The following CSMD1 variants were observed in gnomAD, a reference collection of about 807,000 sequenced individuals.
CSMD1 encodes CUB and Sushi multiple domains 1.
A neutral mutation model predicts 417.5 loss-of-function variants in CSMD1; 213 were observed. The observed-to-expected ratio is 0.51, with a 90% confidence interval of 0.46 to 0.57. The LOEUF is 0.57. Ranked by LOEUF, CSMD1 falls within the 20% of genes least tolerant of loss-of-function variation. CSMD1 has a pLI of 0.00. For synonymous variants in CSMD1, 2,862 were observed against 1,736.8 expected (o/e 1.65, Z -16.11); for missense variants, 6,923 against 4,529.7 (o/e 1.53, Z -15.17).
intron 5 of CSMD1, among the ~76,000 whole-genome samples, chr8:3,811,619 C>G (rs954219877): frequency 1.3e-5 from 2 of 152,096 alleles, no homozygotes; most frequent in Admixed American, 6.6e-5. Flanking sequence ...CTTCAGAACC[C>G]AGGACCAGGC....
intron 3 of CSMD1, among the ~76,000 whole-genome samples, chr8:4,212,068 G>A (rs1326379416): frequency 6.6e-6 from 1 of 151,874 alleles, no homozygotes; most frequent in Non-Finnish European, 1.5e-5. Context: ...TCAACTGTAA[G>A]AAAGAATATG....
chr8:4,840,975 C>T (rs139249761), intron 1 of CSMD1, among the ~76,000 whole-genome samples: 31 of 152,284 alleles, frequency 2.0e-4, no homozygotes, highest in African/African-American at 7.2e-4. Flanking sequence ...TGGGCTAGTC[C>T]GATAAGGAGC....
At chr8:4,245,894 C>T (rs1188844840) in intron 3 of CSMD1, among the ~76,000 whole-genome samples, 3 of 152,130 alleles carry the variant, frequency 2.0e-5, no homozygotes, top group Non-Finnish European at 4.4e-5. Flanking sequence ...ACTTTTCATA[C>T]ATGGTGCTTT....
intron 57 of CSMD1, among the ~76,000 whole-genome samples, chr8:2,972,783 G>A (rs1471697038): frequency 6.6e-6 from 1 of 152,152 alleles, no homozygotes; most frequent in Non-Finnish European, 1.5e-5. Flanking sequence ...CATTGGTCCT[G>A]CTCACTGCTC....
intron 10 of CSMD1, among the ~76,000 whole-genome samples, chr8:3,556,414 T>TATA (rs1349911850): frequency 7.0e-6 from 1 of 142,030 alleles, no homozygotes; most frequent in Non-Finnish European, 1.5e-5. Flanking sequence ...TATATATATA[T>TATA]TCACACACAC....
intron 3 of CSMD1, among the ~76,000 whole-genome samples, chr8:4,310,506 T>G (rs558382734): frequency 7.7e-6 from 1 of 129,902 alleles, no homozygotes; most frequent in East Asian, 2.7e-4. Context: ...GAAACTTCTT[T>G]TCTTCCACAT....
chr8:4,005,883 G>A (rs1816071522), intron 4 of CSMD1, among the ~76,000 whole-genome samples: 1 of 152,178 alleles, frequency 6.6e-6, no homozygotes, highest in Admixed American at 6.5e-5. Flanking sequence ...GGAGCTGGCT[G>A]CCAAAATCAC....
chr8:4,415,744 C>T (rs1563150043), intron 3 of CSMD1, among the ~76,000 whole-genome samples: 1 of 152,198 alleles, frequency 6.6e-6, no homozygotes, highest in Non-Finnish European at 1.5e-5. Context: ...TGTGTATCCA[C>T]TTACACTTGT....
intron 1 of CSMD1, among the ~76,000 whole-genome samples, chr8:4,824,589 A>G (rs1330720910): frequency 6.6e-6 from 1 of 152,190 alleles, no homozygotes. Flanking sequence ...CAGTCTTTCA[A>G]TTTCAAAGGA....
At chr8:3,563,935 T>C (rs994205894) in intron 10 of CSMD1, among the ~76,000 whole-genome samples, 2 of 152,114 alleles carry the variant, frequency 1.3e-5, no homozygotes, top group African/African-American at 4.8e-5. Context: ...TTAAACCTAT[T>C]TTTCATGAAT....
In CSMD1 at chr8:4,577,331, A is replaced by C. The variant is rs914676738; in HGVS notation, c.302+60011T>G. ...AAAATTATTTCAATAATGATGCCCCAAAATATTTAGGAGAGCTTATTTCAG... is the reference window on the plus strand; with the variant it reads ...AAAATTATTTCAATAATGATGCCCCCAAATATTTAGGAGAGCTTATTTCAG... On this transcript the variant is annotated intron_variant, in intron 2 of 69. Transcript: ENST00000635120. Among the ~76,000 whole-genome samples, 22 of 152,308 alleles carry C rather than the reference A, an allele frequency of 1.4e-4. 1 individual carries two copies. The Middle Eastern group carries it at 0.014, about 94-fold the overall frequency.
chr8:4,948,893 T>C (rs572778653), intron 1 of CSMD1, among the ~76,000 whole-genome samples: 1 of 152,256 alleles, frequency 6.6e-6, no homozygotes, highest in African/African-American at 2.4e-5. Flanking sequence ...AAAGACCATG[T>C]TTTTACATAA....
chr8:4,281,153 G>A (rs773688305), intron 3 of CSMD1, among the ~76,000 whole-genome samples: 14 of 152,180 alleles, frequency 9.2e-5, no homozygotes, highest in Non-Finnish European at 1.6e-4. Flanking sequence ...GGGAGCACCT[G>A]ACCCACTGAT....
At chr8:4,379,382 T>C (rs34603935) in intron 3 of CSMD1, among the ~76,000 whole-genome samples, 58,560 of 152,040 alleles carry the variant, frequency 0.39, 12,172 homozygotes, top group Non-Finnish European at 0.47. Flanking sequence ...ATGTAGAATT[T>C]TGGAACAGAA....
chr8:4,807,214 C>G (rs1308189451), intron 1 of CSMD1, among the ~76,000 whole-genome samples: 2 of 152,166 alleles, frequency 1.3e-5, no homozygotes, highest in Non-Finnish European at 2.9e-5. Flanking sequence ...TGCCTGTCCA[C>G]CACTCACCCG....
intron 3 of CSMD1, among the ~76,000 whole-genome samples, chr8:4,375,133 G>A (rs542676058): frequency 1.3e-5 from 2 of 152,122 alleles, no homozygotes; most frequent in African/African-American, 2.4e-5. Context: ...AATGGCAACT[G>A]TAGATAGGTG....
chr8:3,357,745 T>C (rs11783305), intron 21 of CSMD1, among the ~76,000 whole-genome samples: 27,627 of 152,116 alleles, frequency 0.18, 2,482 homozygotes, highest in Middle Eastern at 0.25. Flanking sequence ...TGGGAACTCC[T>C]ATGATCACCT....
At chr8:4,798,292 G>C (rs1798090691) in intron 1 of CSMD1, among the ~76,000 whole-genome samples, 1 of 152,156 alleles carries the variant, frequency 6.6e-6, no homozygotes, top group African/African-American at 2.4e-5. Flanking sequence ...CTAGTTTGCT[G>C]AGAATGATGG....
At chr8:3,653,380 C>G (rs956120950) in intron 7 of CSMD1, among the ~76,000 whole-genome samples, 2 of 152,132 alleles carry the variant, frequency 1.3e-5, no homozygotes, top group African/African-American at 4.8e-5. Context: ...ATGATCTCGG[C>G]TCATTGCAAC....
Sources: allele counts gnomAD v4.1 joint callset (sites outside exome capture counted in the v4.1 genomes callset), GRCh38; gene constraint gnomAD v4.1.1; transcripts MANE v1.5; gene names NCBI Gene and HGNC (gene_info 2026-07-23, HGNC 2026-07-21).